Variants in DPP6 observed in about 807,000 individuals in gnomAD.
DPP6 encodes dipeptidyl peptidase like 6, also known as A-type potassium channel modulatory protein DPP6.
In DPP6, 69 loss-of-function variants were observed where a neutral mutation model predicts 122.6. The observed-to-expected ratio is 0.56, with a 90% CI of 0.46 to 0.69. The LOEUF (loss-of-function observed/expected upper bound fraction) is 0.69. Among genes scored for constraint, DPP6 ranks in the 30% least tolerant of loss-of-function variants. The pLI, the probability that DPP6 is intolerant of heterozygous loss-of-function variation, is 0.00. For synonymous variants in DPP6, 418 were observed against 433.1 expected, an observed-to-expected ratio of 0.97 and a Z score of 0.43; for missense variants, 928 against 1,116.9, an observed-to-expected ratio of 0.83 and a Z score of 2.41.
chr7:154,020,623 G>A (rs1343566853), intron 1 of DPP6, among the ~76,000 whole-genome samples: 2 of 152,138 alleles, frequency 1.3e-5, no homozygotes, highest in Non-Finnish European at 2.9e-5. Context: ...CTTGTCTCTA[G>A]CATGATGTTC....
intron 1 of DPP6, among the ~76,000 whole-genome samples, chr7:154,294,165 T>C (rs1292193618): frequency 1.3e-5 from 2 of 152,166 alleles, no homozygotes; most frequent in African/African-American, 4.8e-5. Context: ...ACGGAGAAAC[T>C]CACAGGCAGG....
chr7:153,773,425 A>G, the DPP6 span, among the ~76,000 whole-genome samples: 1 of 151,568 alleles, frequency 6.6e-6, no homozygotes, highest in Non-Finnish European at 1.5e-5. Flanking sequence ...TTATGCAAGA[A>G]CATCTGGATT....
chr7:153,800,226 G>T, the DPP6 span, among the ~76,000 whole-genome samples: 1 of 152,084 alleles, frequency 6.6e-6, no homozygotes, highest in East Asian at 1.9e-4. Flanking sequence ...ACACACAATG[G>T]AATACTAGTT....
chr7:154,001,560 A>G (rs1459964398), intron 1 of DPP6, among the ~76,000 whole-genome samples: 1 of 151,920 alleles, frequency 6.6e-6, no homozygotes, highest in Non-Finnish European at 1.5e-5. Flanking sequence ...TGACAGCTCC[A>G]CTGCTGGCAG....
intron 1 of DPP6, among the ~76,000 whole-genome samples, chr7:154,363,110 A>C (rs1416745536): frequency 6.6e-6 from 1 of 152,110 alleles, no homozygotes; most frequent in Non-Finnish European, 1.5e-5. Context: ...GGGTTTCCAA[A>C]GCTCTCCCAG....
the DPP6 span, among the ~76,000 whole-genome samples, chr7:153,780,557 G>A: frequency 1.3e-5 from 2 of 152,072 alleles, no homozygotes; most frequent in South Asian, 4.1e-4. Flanking sequence ...AACATCCTTG[G>A]ACTTTGGGAT....
At chr7:154,572,826 C>T (rs1831214071) in intron 5 of DPP6, among the ~76,000 whole-genome samples, 1 of 151,784 alleles carries the variant, frequency 6.6e-6, no homozygotes, top group South Asian at 2.1e-4. Context: ...ATTATGGGCA[C>T]GCACCACCAC....
At chr7:153,962,459 C>T (rs546069126) in intron 1 of DPP6, among the ~76,000 whole-genome samples, 75 of 152,212 alleles carry the variant, frequency 4.9e-4, no homozygotes, top group African/African-American at 1.5e-3. Flanking sequence ...TCAATATTGA[C>T]GTTTCTGGTT....
chr7:154,575,911 G>A (rs1044883599), intron 5 of DPP6, among the ~76,000 whole-genome samples: 22 of 152,044 alleles, frequency 1.4e-4, no homozygotes, highest in East Asian at 3.9e-4. Flanking sequence ...TTTCAGGATC[G>A]ATTCTTTCGT....
At chr7:154,868,482 G>T (rs1804085748) in intron 18 of DPP6, among the ~76,000 whole-genome samples, 1 of 152,194 alleles carries the variant, frequency 6.6e-6, no homozygotes, top group South Asian at 2.1e-4. Context: ...ATGGGCTGAT[G>T]AGGGGCGTCC....
chr7:154,242,945 G>A (rs1190557767), intron 1 of DPP6, among the ~76,000 whole-genome samples: 1 of 152,168 alleles, frequency 6.6e-6, no homozygotes, highest in African/African-American at 2.4e-5. Flanking sequence ...AGCCAGAATG[G>A]AGAGAACTCA....
At chr7:154,101,938 A>C in intron 1 of DPP6, among the ~76,000 whole-genome samples, 1 of 148,430 alleles carries the variant, frequency 6.7e-6, no homozygotes, top group Non-Finnish European at 1.5e-5. Context: ...TCCATCTCAA[A>C]AAAAAAAAAA....
intron 10 of DPP6, among the ~76,000 whole-genome samples, chr7:154,787,637 G>T (rs963823396): frequency 2.6e-5 from 4 of 152,102 alleles, no homozygotes; most frequent in Non-Finnish European, 2.9e-5. Context: ...AAATTCATTG[G>T]TTTGCTATTA....
intron 1 of DPP6, among the ~76,000 whole-genome samples, chr7:153,928,066 CA>C (rs1800985298): frequency 6.6e-6 from 1 of 151,866 alleles, no homozygotes; most frequent in African/African-American, 2.4e-5. Flanking sequence ...ATAACATTAA[CA>C]ATAACAATTA....
chr7:154,889,432 CTT>C (rs11335725), intron 24 of DPP6, 23 bp from the exon 25 acceptor site: 23,492 of 1,359,460 alleles, frequency 0.017, 4 homozygotes, highest in Admixed American at 0.049. Context: ...GTCTTCCTCT[CTT>C]TTTTTTTTTT....
intron 4 of DPP6, among the ~76,000 whole-genome samples, chr7:154,545,493 TTCCA>T (rs1318111630): frequency 1.3e-3 from 122 of 91,044 alleles, no homozygotes; most frequent in African/African-American, 3.8e-3. Context: ...CCTTCCTTCC[TTCCA>T]TCCTTCCTTC....
At chr7:154,218,000 T>A (rs1322235404) in intron 1 of DPP6, among the ~76,000 whole-genome samples, 2 of 152,242 alleles carry the variant, frequency 1.3e-5, no homozygotes, top group Non-Finnish European at 2.9e-5. Flanking sequence ...TGAAACCTTA[T>A]TTCTCTCAGC....
intron 6 of DPP6, among the ~76,000 whole-genome samples, chr7:154,663,179 G>A (rs1837873641): frequency 4.1e-5 from 3 of 74,072 alleles, no homozygotes; most frequent in Admixed American, 1.8e-4. Flanking sequence ...TGGCGGTAGT[G>A]TTCATATAGT....
intron 1 of DPP6, among the ~76,000 whole-genome samples, chr7:154,279,482 G>A (rs1029385830): frequency 3.3e-5 from 5 of 152,230 alleles, no homozygotes; most frequent in African/African-American, 9.7e-5. Context: ...CGCCTTGGAA[G>A]CGTGTCACTT....
Sources: allele counts gnomAD v4.1 joint callset (sites outside exome capture counted in the v4.1 genomes callset), GRCh38; gene constraint gnomAD v4.1.1; transcripts MANE v1.5; gene names NCBI Gene and HGNC (gene_info 2026-07-23, HGNC 2026-07-21).